The following SSMEM1 variants were observed in gnomAD, a reference collection of about 807,000 sequenced individuals.
SSMEM1 encodes serine-rich single-pass membrane protein 1.
SSMEM1 carries 12 observed loss-of-function variants against 9.9 expected under a neutral mutation model. That is an observed-to-expected ratio of 1.21 (90% CI 0.78 to 1.96). The LOEUF (loss-of-function observed/expected upper bound fraction) is 1.96, where lower values mean the gene tolerates loss of function less well. Among genes scored for constraint, SSMEM1 ranks in the 30% most tolerant of loss-of-function variants. The pLI is 0.00. For synonymous variants in SSMEM1, 96 were observed against 98.9 expected (o/e 0.97, Z 0.17); for missense variants, 259 against 292.2 (o/e 0.89, Z 0.83).
At chr7:130,207,777 T>A (rs772486537), upstream of SSMEM1, 22 of 913,418 alleles carry the variant, frequency 2.4e-5, no homozygotes, top group Non-Finnish European at 3.8e-5. Context: ...ATTTGTCAGT[T>A]CCTAGAACAG....
intron 2 of SSMEM1, among the ~76,000 whole-genome samples, chr7:130,215,105 C>A (rs1231925358): frequency 1.3e-5 from 2 of 152,142 alleles, no homozygotes; most frequent in African/African-American, 4.8e-5. Flanking sequence ...GAGTTCGAGA[C>A]CAGCCTGGCC....
chr7:130,211,171 T>TC (rs1190577011), intron 1 of SSMEM1, among the ~76,000 whole-genome samples: 16 of 150,548 alleles, frequency 1.1e-4, no homozygotes, highest in African/African-American at 3.4e-4. Context: ...TTTTTTTTTT[T>TC]TTTTTTGAGA....
chr7:130,215,047 A>G (rs1438478660), intron 2 of SSMEM1, among the ~76,000 whole-genome samples: 2 of 152,212 alleles, frequency 1.3e-5, no homozygotes, highest in Non-Finnish European at 2.9e-5. Flanking sequence ...TCACGCCTGT[A>G]ATCTCAGCAC....
intron 2 of SSMEM1, among the ~76,000 whole-genome samples, chr7:130,214,548 G>A (rs1238907836): frequency 2.6e-5 from 4 of 151,984 alleles, no homozygotes; most frequent in Non-Finnish European, 5.9e-5. Flanking sequence ...CTTCATTTTT[G>A]CCAGACCCTT....
chr7:130,214,896 T>C (rs879351100), intron 2 of SSMEM1, among the ~76,000 whole-genome samples: 2 of 152,262 alleles, frequency 1.3e-5, no homozygotes, highest in Non-Finnish European at 2.9e-5. Flanking sequence ...CCCTGATGTT[T>C]AGTGTCTGCT....
upstream of SSMEM1, among the ~76,000 whole-genome samples, chr7:130,207,245 T>A (rs1798501142): frequency 6.6e-6 from 1 of 152,156 alleles, no homozygotes; most frequent in South Asian, 2.1e-4. Flanking sequence ...ACAGAAATTA[T>A]TTTTTTCATA....
upstream of SSMEM1, chr7:130,205,600 G>C: frequency 1.6e-6 from 1 of 628,830 alleles, no homozygotes; most frequent in Non-Finnish European, 2.8e-6. Context: ...AAGCTAAGCA[G>C]CAAAATTCAG....
At chr7:130,213,018 C>T (rs892879234) in intron 1 of SSMEM1, among the ~76,000 whole-genome samples, 3 of 152,142 alleles carry the variant, frequency 2.0e-5, no homozygotes, top group Non-Finnish European at 2.9e-5. Context: ...TATTATTTAA[C>T]TCAGTAAGTA....
chr7:130,210,093 G>T (rs1798564814), intron 1 of SSMEM1, among the ~76,000 whole-genome samples: 1 of 152,230 alleles, frequency 6.6e-6, no homozygotes, highest in African/African-American at 2.4e-5. Flanking sequence ...GACAGAAGGG[G>T]AATATACCCA....
chr7:130,213,710 A>AAAAAAAAAAAAAAG (rs1562906803), intron 2 of SSMEM1, among the ~76,000 whole-genome samples, 176 bp downstream of exon 2: 3 of 119,312 alleles, frequency 2.5e-5, no homozygotes, highest in African/African-American at 6.2e-5. Context: ...AAAAAAAAAA[A>AAAAAAAAAAAAAAG]AAAAGAAAAG....
At chr7:130,205,426 A>C, upstream of SSMEM1, 2 of 1,613,274 alleles carry the variant, frequency 1.2e-6, no homozygotes, top group Non-Finnish European at 1.7e-6. Context: ...GGGCATGCGC[A>C]AAGCCAAGCT....
At chr7:130,215,138 A>C (rs1798679643) in intron 2 of SSMEM1, among the ~76,000 whole-genome samples, 1 of 152,188 alleles carries the variant, frequency 6.6e-6, no homozygotes, top group Non-Finnish European at 1.5e-5. Context: ...CCCTGTCTCT[A>C]CTAAAAATAC....
rs1798713761 is a variant in SSMEM1 at position 130,216,556 on chromosome 7, C to T, written c.*86C>T. ...ATCACCAGAGCTATAGGTGAGGAGA[C>T]TTTTACAACAAAGTCTCTCTACCAA... On this transcript the variant is annotated 3_prime_UTR_variant, in exon 3 of 3. Transcript: ENST00000297819. 2 of 1,466,180 alleles carry T rather than the reference C, an allele frequency of 1.4e-6. No homozygotes were observed. Among genetic ancestry groups the T allele is most frequent in the Non-Finnish European group, 1.8e-6 (2 of 1,089,894 alleles). 90.8% of individuals were successfully genotyped at this position (1,466,180 alleles called of 1,614,324 possible). A position where few individuals can be genotyped will look rare whatever the true frequency, so the allele number is the denominator to read the frequency against.
chr7:130,216,624 C>T lies in SSMEM1; in HGVS notation c.*154C>T. 1 of 913,520 alleles carries T rather than the reference C, an allele frequency of 1.1e-6. No individual in the cohort carries two copies. The highest frequency in any genetic ancestry group is 1.6e-6 in the Non-Finnish European group (1 of 624,080). 56.6% of individuals were successfully genotyped at this position (913,520 alleles called of 1,614,324 possible). On this transcript the variant is annotated 3_prime_UTR_variant, in exon 3 of 3. Coordinates refer to ENST00000297819, the MANE Select transcript of SSMEM1 (RefSeq NM_145268.4). ...GGAACCCAAGAGGTAAAATCTCACA[C>T]AATTCTTCGTTCAAAAAAAAAAAGG...
At position 130,216,495 on chromosome 7, in the gene SSMEM1, T is replaced by C; in HGVS notation, c.*25T>C. On this transcript the variant is annotated 3_prime_UTR_variant, in exon 3 of 3. Coordinates refer to ENST00000297819, the MANE Select transcript of SSMEM1 (RefSeq NM_145268.4). ...AATTTTATCACGTTCTTCCTTCACT[T>C]GAAGCCAAATGAAAGAGATGAATAA... is the stretch of plus-strand genomic sequence containing the variant. 1.3e-6 allele frequency: 2 copies of C among 1,598,950 alleles called. No individual in the cohort carries two copies. Among genetic ancestry groups the C allele is most frequent in the Non-Finnish European group, 1.7e-6 (2 of 1,171,258 alleles).
chr7:130,209,864 C>T (rs1316677009), intron 1 of SSMEM1, among the ~76,000 whole-genome samples: 1 of 152,224 alleles, frequency 6.6e-6, no homozygotes, highest in Non-Finnish European at 1.5e-5. Context: ...AGGCGTGAGC[C>T]ACCACGCCTG....
At chr7:130,215,228 T>C (rs1487180155) in intron 2 of SSMEM1, among the ~76,000 whole-genome samples, 2 of 152,040 alleles carry the variant, frequency 1.3e-5, no homozygotes, top group African/African-American at 4.8e-5. Flanking sequence ...CACTTGAACC[T>C]GGGAGACAGA....
chr7:130,207,796 G>A (rs1262200006), upstream of SSMEM1: 1 of 1,090,052 alleles, frequency 9.2e-7, no homozygotes, highest in Non-Finnish European at 1.4e-6. Flanking sequence ...AGTTGCTTAA[G>A]TATGTGTCAT....
intron 1 of SSMEM1, 48 bp downstream of exon 1, chr7:130,208,141 G>C (rs1210917605): frequency 6.7e-7 from 1 of 1,493,690 alleles, no homozygotes; most frequent in Admixed American, 2.4e-5. Context: ...CTGTACACTA[G>C]GAAAATTTCC....
Sources: allele counts gnomAD v4.1 joint callset (sites outside exome capture counted in the v4.1 genomes callset), GRCh38; gene constraint gnomAD v4.1.1; transcripts MANE v1.5; gene names NCBI Gene and HGNC (gene_info 2026-07-23, HGNC 2026-07-21).